The following PICALM variants were observed in gnomAD, a reference collection of about 807,000 sequenced individuals.
PICALM encodes the protein phosphatidylinositol binding clathrin assembly protein.
In PICALM, 40 loss-of-function variants were observed where a neutral mutation model predicts 80.5. That is an observed-to-expected ratio of 0.50 (90% CI 0.39 to 0.65). PICALM has a LOEUF of 0.65. Among genes scored for constraint, PICALM ranks in the 30% least tolerant of loss-of-function variants. The probability of loss-of-function intolerance (pLI) is 0.00; values close to 1 mark genes in which losing one functional copy is unlikely to be tolerated. For synonymous variants in PICALM, 288 were observed against 260.3 expected, an observed-to-expected ratio of 1.11 and a Z score of -1.02; for missense variants, 676 against 778.9, an observed-to-expected ratio of 0.87 and a Z score of 1.57.
intron 1 of PICALM, among the ~76,000 whole-genome samples, chr11:86,066,596 G>A (rs2137881804): frequency 6.6e-6 from 1 of 151,970 alleles, no homozygotes; most frequent in Middle Eastern, 3.4e-3. Context: ...TCCTCTTTTT[G>A]ACAATGCTTT....
intron 1 of PICALM, among the ~76,000 whole-genome samples, chr11:86,043,183 G>A (rs891513442): frequency 2.6e-5 from 4 of 152,180 alleles, no homozygotes; most frequent in African/African-American, 9.7e-5. Flanking sequence ...TACACTACCA[G>A]TAGCAGCTAT....
intron 1 of PICALM, among the ~76,000 whole-genome samples, chr11:86,051,623 T>C (rs545387703): frequency 6.6e-6 from 1 of 151,514 alleles, no homozygotes; most frequent in African/African-American, 2.5e-5. Flanking sequence ...ATCGCGACAC[T>C]GCACTCCAGC....
At position 86,009,348 on chromosome 11, in the gene PICALM, G is replaced by A. The variant is rs114751229; in HGVS notation, c.765+1682C>T. Among the ~76,000 whole-genome samples, 430 of 135,020 alleles carry A rather than the reference G, an allele frequency of 3.2e-3. 2 individuals are homozygous for A. The highest frequency in any genetic ancestry group is 0.01 in the African/African-American group (370 of 35,738). 88.6% of individuals were successfully genotyped at this position (135,020 alleles called of 152,430 possible). Reference sequence around the variant, plus strand: ...AGTCATATATAGCAGACAGTCTATTGCACCTAAGAATAAGTTAACAGCAGA... The same window carrying A: ...AGTCATATATAGCAGACAGTCTATTACACCTAAGAATAAGTTAACAGCAGA... On this transcript the variant is annotated intron_variant, in intron 7 of 19. Transcript: ENST00000393346.
chr11:86,016,643 C>T (rs1013961082), intron 4 of PICALM, among the ~76,000 whole-genome samples: 1 of 152,184 alleles, frequency 6.6e-6, no homozygotes, highest in South Asian at 2.1e-4. Flanking sequence ...ACACACATAG[C>T]TGAGTGCTGG....
chr11:86,041,129 T>A (rs146817677), intron 1 of PICALM, among the ~76,000 whole-genome samples: 2 of 152,210 alleles, frequency 1.3e-5, no homozygotes, highest in Non-Finnish European at 2.9e-5. Context: ...GTCTCTCCTA[T>A]GAGAGAGCTC....
At chr11:86,050,204 C>CAAAAAAAA (rs766728047) in intron 1 of PICALM, among the ~76,000 whole-genome samples, 17 of 81,794 alleles carry the variant, frequency 2.1e-4, no homozygotes, top group African/African-American at 8.5e-4. Context: ...GACTCTGTCT[C>CAAAAAAAA]AAAAAAAAAA....
intron 7 of PICALM, among the ~76,000 whole-genome samples, chr11:86,008,937 G>GCAAA: frequency 1.8e-5 from 1 of 56,040 alleles, no homozygotes; most frequent in Non-Finnish European, 3.6e-5. Context: ...CCAGAAAAAG[G>GCAAA]AAAAAAAAAA....
chr11:85,974,602 T>C lies in PICALM; in HGVS notation c.1944+106A>G, dbSNP rs192543316. ...AAGCAAGCAATATCCATAATGAAGG[T>C]AGAAAGTGCTAGTAACTTGTTTCTC... On this transcript the variant is annotated intron_variant, in intron 19 of 19. Transcript: ENST00000393346. 4.2e-4 allele frequency: 323 copies of C among 771,834 alleles called. No individual in the cohort carries two copies. In the East Asian group the frequency reaches 6.8e-3, roughly 16 times the overall value. 47.8% of individuals were successfully genotyped at this position (771,834 alleles called of 1,614,324 possible).
intron 7 of PICALM, among the ~76,000 whole-genome samples, chr11:86,008,952 C>CAAAA (rs59740555): frequency 9.6e-5 from 6 of 62,826 alleles, no homozygotes; most frequent in East Asian, 8.4e-4. Flanking sequence ...AAAAAAAAGC[C>CAAAA]AAAAAAAAAA....
intron 3 of PICALM, among the ~76,000 whole-genome samples, chr11:86,022,688 T>C (rs907732135): frequency 1.1e-4 from 16 of 152,072 alleles, no homozygotes; most frequent in Admixed American, 6.6e-5. Context: ...AAGTCCTATG[T>C]AGTTTTAAAA....
chr11:85,975,592 C>CTTTTCTTTTTTTTTTT (rs2094253250), intron 18 of PICALM, among the ~76,000 whole-genome samples: 1 of 89,644 alleles, frequency 1.1e-5, no homozygotes, highest in African/African-American at 4.5e-5. Context: ...TCTCAGCAGA[C>CTTTTCTTTTTTTTTTT]TTTTTTTTTT....
At chr11:86,042,687 A>G (rs574514271) in intron 1 of PICALM, among the ~76,000 whole-genome samples, 3 of 150,240 alleles carry the variant, frequency 2.0e-5, no homozygotes, top group African/African-American at 4.9e-5. Flanking sequence ...CTAGTACTGG[A>G]TCAGAAAAAT....
rs558257528 is a variant in PICALM, at chr11:85,958,534, T to C, written c.*512A>G. The C allele has an allele frequency of 2.7e-3, 564 of 210,312 alleles. 4 individuals carry two copies. The highest frequency in any genetic ancestry group is 0.012 in the African/African-American group (539 of 44,246). 13.0% of individuals were successfully genotyped at this position (210,312 alleles called of 1,614,324 possible). On this transcript the variant is annotated 3_prime_UTR_variant, in exon 20 of 20. Transcript: ENST00000393346. ...TACTTAAGGAATGTCTACTGCAAAC[T>C]GAATATAATTTTTTTTAAAAAAAGA...
At chr11:85,979,097 T>G (rs1268468226) in intron 17 of PICALM, among the ~76,000 whole-genome samples, 4 of 152,198 alleles carry the variant, frequency 2.6e-5, no homozygotes, top group Non-Finnish European at 5.9e-5. Flanking sequence ...AGTGGGGTGA[T>G]ACATGCTCCA....
chr11:85,978,360 C>A, intron 17 of PICALM: 1 of 248,794 alleles, frequency 4.0e-6, no homozygotes, highest in Non-Finnish European at 7.8e-6. Context: ...TCAATTCTAT[C>A]AACAGTGTCA....
At chr11:85,969,635 A>G (rs1002925929) in intron 19 of PICALM, 21 of 401,176 alleles carry the variant, frequency 5.2e-5, no homozygotes, top group Non-Finnish European at 8.5e-5. Flanking sequence ...ATCATTAAAC[A>G]TGCTTTAAAG....
intron 18 of PICALM, among the ~76,000 whole-genome samples, chr11:85,976,398 G>A (rs1440666531): frequency 6.6e-6 from 1 of 152,126 alleles, no homozygotes; most frequent in African/African-American, 2.4e-5. Context: ...AAGTTACGAG[G>A]AGAAAAATAA....
chr11:86,039,555 C>T (rs1296202130), intron 1 of PICALM, among the ~76,000 whole-genome samples: 1 of 152,134 alleles, frequency 6.6e-6, no homozygotes, highest in East Asian at 1.9e-4. Context: ...TAAGTCTTCA[C>T]AAATCATCTC....
At chr11:86,059,782 G>A (rs1639052049) in intron 1 of PICALM, among the ~76,000 whole-genome samples, 1 of 151,852 alleles carries the variant, frequency 6.6e-6, no homozygotes, top group Admixed American at 6.6e-5. Context: ...AATCATATGT[G>A]CAAAGGCTAA....
Sources: allele counts gnomAD v4.1 joint callset (sites outside exome capture counted in the v4.1 genomes callset), GRCh38; gene constraint gnomAD v4.1.1; transcripts MANE v1.5; gene names NCBI Gene and HGNC (gene_info 2026-07-23, HGNC 2026-07-21).